SHROOM3: variants seen among roughly 807,000 people sequenced by gnomAD.
SHROOM3 encodes shroom family member 3, also known as protein Shroom3.
SHROOM3 carries 47 observed loss-of-function variants against 138.6 expected under a neutral mutation model. The ratio of observed to expected loss-of-function variants is 0.34; its 90% CI spans 0.27 to 0.43. SHROOM3 has a LOEUF of 0.43. SHROOM3 is among the 20% of genes least tolerant of loss of function. SHROOM3 has a pLI of 1.00. For missense variants in SHROOM3, 2,491 were observed against 2,596.5 expected, an observed-to-expected ratio of 0.96 and a Z score of 0.88; for synonymous variants, 1,062 against 1,063.3, an observed-to-expected ratio of 1.00 and a Z score of 0.02.
At chr4:76,742,708 C>T (rs114349966) in intron 5 of SHROOM3, among the ~76,000 whole-genome samples, 354 of 152,314 alleles carry the variant, frequency 2.3e-3, no homozygotes, top group Non-Finnish European at 4.0e-3. Flanking sequence ...CTGTTAATTT[C>T]CCTAATTCTT....
chr4:76,549,025 A>G (rs1216373021), intron 1 of SHROOM3, among the ~76,000 whole-genome samples: 1 of 152,230 alleles, frequency 6.6e-6, no homozygotes, highest in Non-Finnish European at 1.5e-5. Flanking sequence ...AGTTTAAAAT[A>G]ATAAGCTTCA....
chr4:76,555,141 A>G (rs1407570104), intron 1 of SHROOM3, among the ~76,000 whole-genome samples: 2 of 152,020 alleles, frequency 1.3e-5, no homozygotes, highest in East Asian at 1.9e-4. Flanking sequence ...TGCACAATAA[A>G]TGCAACGCAC....
At chr4:76,599,954 A>G (rs574978552) in intron 2 of SHROOM3, among the ~76,000 whole-genome samples, 7 of 152,272 alleles carry the variant, frequency 4.6e-5, no homozygotes, top group Admixed American at 3.3e-4. Context: ...GCTTGAGCCC[A>G]GGACAACATA....
chr4:76,509,494 A>G (rs1208508870), intron 1 of SHROOM3: 3 of 152,244 alleles, frequency 2.0e-5, no homozygotes, highest in African/African-American at 7.2e-5. Flanking sequence ...CCCCACAACC[A>G]TTCATTTTGT....
At chr4:76,558,048 G>A (rs920221292) in intron 2 of SHROOM3, among the ~76,000 whole-genome samples, 2 of 152,170 alleles carry the variant, frequency 1.3e-5, no homozygotes, top group African/African-American at 2.4e-5. Flanking sequence ...GAAACACTGG[G>A]CATTGATCTG....
intron 1 of SHROOM3, among the ~76,000 whole-genome samples, chr4:76,495,187 G>T (rs926780077): frequency 6.6e-6 from 1 of 152,220 alleles, no homozygotes; most frequent in Non-Finnish European, 1.5e-5. Context: ...GCAGGAGATT[G>T]TAAGCGTGGA....
chr4:76,676,937 C>T (rs1210377729), intron 2 of SHROOM3, among the ~76,000 whole-genome samples: 5 of 119,620 alleles, frequency 4.2e-5, no homozygotes, highest in Admixed American at 1.9e-4. Flanking sequence ...AGCGAGACTC[C>T]GTCTCACAAA....
At chr4:76,602,403 A>G (rs570843416) in intron 2 of SHROOM3, among the ~76,000 whole-genome samples, 1 of 152,270 alleles carries the variant, frequency 6.6e-6, no homozygotes, top group East Asian at 1.9e-4. Flanking sequence ...ACATTTTTCT[A>G]TGCATTTGTC....
At position 76,742,000 on chromosome 4, in the gene SHROOM3, C is replaced by T. The variant is rs1161211713; in HGVS notation, c.3753+74C>T. ...GAAGCTTTAGTGGGGCTCCCCAACC[C>T]CCCACACTCTCACCCGCTCTCCCAG... On this transcript the variant is annotated intron_variant, in intron 5 of 10. Transcript: ENST00000296043. The surrounding 1 kb of genome is among the most constrained non-coding windows in gnomAD (Gnocchi z 6.2). 2 of 1,547,956 alleles carry T rather than the reference C, an allele frequency of 1.3e-6. No homozygotes were observed. The highest frequency in any genetic ancestry group is 8.8e-7 in the Non-Finnish European group (1 of 1,136,830).
chr4:76,697,610 G>A (rs1429751579), intron 2 of SHROOM3, among the ~76,000 whole-genome samples: 2 of 152,178 alleles, frequency 1.3e-5, no homozygotes, highest in Non-Finnish European at 2.9e-5. Flanking sequence ...GTGATCTTGA[G>A]CAGGTTATTT....
At chr4:76,543,138 G>T (rs1186068818) in intron 1 of SHROOM3, among the ~76,000 whole-genome samples, 1 of 152,140 alleles carries the variant, frequency 6.6e-6, no homozygotes, top group Non-Finnish European at 1.5e-5. Context: ...CAGACTAGTG[G>T]GGGGCACAGT....
intron 2 of SHROOM3, among the ~76,000 whole-genome samples, chr4:76,654,501 AT>A (rs1021015839): frequency 6.6e-6 from 1 of 151,566 alleles, no homozygotes; most frequent in African/African-American, 2.4e-5. Context: ...TAATTTTTGT[AT>A]TTTTTTTGTA....
chr4:76,575,101 A>T (rs1179474738), intron 2 of SHROOM3, among the ~76,000 whole-genome samples: 1 of 152,234 alleles, frequency 6.6e-6, no homozygotes, highest in Admixed American at 6.5e-5. Context: ...ACAAAACCAG[A>T]TGATCATTTC....
intron 3 of SHROOM3, among the ~76,000 whole-genome samples, chr4:76,729,670 C>T (rs919883783): frequency 6.6e-6 from 1 of 152,140 alleles, no homozygotes; most frequent in Admixed American, 6.5e-5. Flanking sequence ...GGGGAAGTAA[C>T]TCACATAAGG....
At chr4:76,601,884 T>C (rs1734514163) in intron 2 of SHROOM3, among the ~76,000 whole-genome samples, 1 of 152,118 alleles carries the variant, frequency 6.6e-6, no homozygotes, top group African/African-American at 2.4e-5. Flanking sequence ...GACAATTCAG[T>C]CCCCAAAGTC....
intron 1 of SHROOM3, among the ~76,000 whole-genome samples, chr4:76,541,144 T>C (rs1733089315): frequency 1.3e-5 from 2 of 152,250 alleles, no homozygotes; most frequent in African/African-American, 4.8e-5. Flanking sequence ...TTATAATAGA[T>C]GTTCTACACA....
At chr4:76,484,307 C>A (rs1446299014) in intron 1 of SHROOM3, among the ~76,000 whole-genome samples, 1 of 151,966 alleles carries the variant, frequency 6.6e-6, no homozygotes, top group African/African-American at 2.4e-5. Flanking sequence ...TGTAGTGGTT[C>A]ATGCCTGTCA....
chr4:76,561,779 G>A lies in SHROOM3; in HGVS notation c.323+6016G>A, dbSNP rs551826224. On this transcript the variant is annotated intron_variant, in intron 2 of 10. Transcript: ENST00000296043. Reference sequence around the variant, plus strand: ...AATCCCAGCACTTTGGAAGGCAAAGGCAGGCAGGTCACCTGAGGTCAGGAG... The same window carrying A: ...AATCCCAGCACTTTGGAAGGCAAAGACAGGCAGGTCACCTGAGGTCAGGAG... 4.4e-3 allele frequency among the ~76,000 whole-genome samples: 669 copies of A among 151,988 alleles called. 10 individuals carry two copies. Among genetic ancestry groups the A allele is most frequent in the African/African-American group, 0.015 (631 of 41,462 alleles).
intron 3 of SHROOM3, among the ~76,000 whole-genome samples, chr4:76,723,024 G>A (rs1447686425): frequency 2.0e-5 from 3 of 151,892 alleles, no homozygotes; most frequent in South Asian, 4.2e-4. Flanking sequence ...ACACTGCACC[G>A]AGAAGAGCCC....
Sources: gnomAD v4.1 joint callset for allele counts (sites outside exome capture counted in the v4.1 genomes callset) on GRCh38, gnomAD v4.1.1 for gene constraint, Gnocchi (gnomAD v3.1) non-coding constraint, MANE v1.5 for transcripts, NCBI Gene and HGNC (gene_info 2026-07-23, HGNC 2026-07-21) for gene names.